The following GAB2 variants were observed in gnomAD, a reference collection of about 807,000 sequenced individuals.
The protein encoded by GAB2 is GRB2 associated binding protein 2.
Under a neutral mutation model 65.5 loss-of-function variants are expected in GAB2, and 26 were observed. The observed-to-expected ratio is 0.40, with a 90% CI of 0.29 to 0.55. The LOEUF (loss-of-function observed/expected upper bound fraction) is 0.55. Ranked by LOEUF, GAB2 falls within the 20% of genes least tolerant of loss-of-function variation. The pLI, the probability that GAB2 is intolerant of heterozygous loss-of-function variation, is 0.53. For missense variants in GAB2, 884 were observed against 875.8 expected, an observed-to-expected ratio of 1.01 and a Z score of -0.12; for synonymous variants, 321 against 329.6, an observed-to-expected ratio of 0.97 and a Z score of 0.28.
chr11:78,315,578 T>C (rs372293396), intron 1 of GAB2, among the ~76,000 whole-genome samples: 49 of 152,106 alleles, frequency 3.2e-4, no homozygotes, highest in East Asian at 1.3e-3. Flanking sequence ...GAAGAAAACA[T>C]AGAAAAAATG....
At chr11:78,415,186 GT>G (rs1485226381) in intron 1 of GAB2, among the ~76,000 whole-genome samples, 1 of 152,160 alleles carries the variant, frequency 6.6e-6, no homozygotes, top group Non-Finnish European at 1.5e-5. Context: ...AATTAAGTCA[GT>G]TTTTTAAAAA....
chr11:78,261,794 C>T (rs1036936162), intron 2 of GAB2, among the ~76,000 whole-genome samples: 6 of 152,170 alleles, frequency 3.9e-5, no homozygotes, highest in African/African-American at 7.2e-5. Context: ...AATTTATACT[C>T]GGAGGAGCAC....
intron 1 of GAB2, among the ~76,000 whole-genome samples, chr11:78,380,976 G>GAA (rs1159180206): frequency 2.0e-5 from 3 of 152,148 alleles, no homozygotes; most frequent in Non-Finnish European, 4.4e-5. Flanking sequence ...CTATGTAAGT[G>GAA]AAACCTTATC....
At chr11:78,415,241 T>C (rs1857179898) in intron 1 of GAB2, among the ~76,000 whole-genome samples, 2 of 152,346 alleles carry the variant, frequency 1.3e-5, no homozygotes, top group Admixed American at 6.5e-5. Context: ...CTTTTTCCCC[T>C]TATCACATAT....
chr11:78,268,409 T>C (rs989085546), intron 2 of GAB2, among the ~76,000 whole-genome samples: 4 of 152,134 alleles, frequency 2.6e-5, no homozygotes, highest in African/African-American at 9.7e-5. Flanking sequence ...GTAATCAAGA[T>C]CTTCAGAGGT....
intron 1 of GAB2, among the ~76,000 whole-genome samples, chr11:78,338,635 G>A (rs1173824875): frequency 6.6e-6 from 1 of 152,156 alleles, no homozygotes; most frequent in Non-Finnish European, 1.5e-5. Flanking sequence ...TCCCATTTCT[G>A]ACAGACCCAA....
intron 2 of GAB2, among the ~76,000 whole-genome samples, chr11:78,262,599 G>A (rs969632776): frequency 6.6e-6 from 1 of 152,138 alleles, no homozygotes; most frequent in Non-Finnish European, 1.5e-5. Flanking sequence ...GCTTGTAGCT[G>A]GCAGCTCTTT....
chr11:78,393,283 G>T (rs182792828), intron 1 of GAB2, among the ~76,000 whole-genome samples: 1 of 152,150 alleles, frequency 6.6e-6, no homozygotes, highest in South Asian at 2.1e-4. Context: ...AGATTCCCCC[G>T]CTCTAGTTAT....
At chr11:78,373,616 A>G (rs1452702257) in intron 1 of GAB2, among the ~76,000 whole-genome samples, 1 of 152,242 alleles carries the variant, frequency 6.6e-6, no homozygotes, top group African/African-American at 2.4e-5. Context: ...AGAGATAAAA[A>G]TAACACATTG....
intron 1 of GAB2, among the ~76,000 whole-genome samples, chr11:78,374,989 G>A (rs980989114): frequency 1.4e-4 from 22 of 152,144 alleles, no homozygotes; most frequent in Admixed American, 1.4e-3. Flanking sequence ...CAGGTACATT[G>A]GTAAAGGGAA....
In GAB2 at chr11:78,314,628, A is replaced by T. The variant is rs1591029718; in HGVS notation, c.76-33727T>A. On this transcript the variant is annotated intron_variant, in intron 1 of 9. Coordinates refer to ENST00000361507, the MANE Select transcript of GAB2 (RefSeq NM_080491.3). ...TATAACATGTTATACAGAATATTAA[A>T]GTGTCAAGTGTATATAGAAGTACCT... Among the ~76,000 whole-genome samples, 11 of 152,244 alleles carry T rather than the reference A, an allele frequency of 7.2e-5. No individual in the cohort carries two copies. The South Asian group carries it at 2.3e-3, about 32-fold the overall frequency.
chr11:78,318,050 A>G (rs966829895), intron 1 of GAB2: 1 of 152,198 alleles, frequency 6.6e-6, no homozygotes, highest in African/African-American at 2.4e-5. Flanking sequence ...CAAAAGGAAG[A>G]TAATTCCTGA....
Position 78,279,840 on chromosome 11 carries a change from T to C in GAB2, c.376+761A>G, listed in dbSNP as rs1292161156. 2.0e-5 allele frequency among the ~76,000 whole-genome samples: 3 copies of C among 152,352 alleles called. No individual in the cohort carries two copies. In the East Asian group the frequency reaches 5.8e-4, roughly 29 times the overall value. On this transcript the variant is annotated intron_variant, in intron 2 of 9. Transcript: ENST00000361507. Reference sequence around the variant, plus strand: ...GGTTGTTTCCACTTTTTGGCTATTATGAATAATACTGCTGTGAACATTCTT... The same window carrying C: ...GGTTGTTTCCACTTTTTGGCTATTACGAATAATACTGCTGTGAACATTCTT...
chr11:78,362,558 C>CAAAAA (rs1000229317), intron 1 of GAB2, among the ~76,000 whole-genome samples: 1 of 152,048 alleles, frequency 6.6e-6, no homozygotes, highest in Non-Finnish European at 1.5e-5. Context: ...CAAATCAAAA[C>CAAAAA]ATTTCCATAA....
rs552643381 is a variant in GAB2 at position 78,216,144 on chromosome 11, A to C, written c.*3128T>G. On this transcript the variant is annotated 3_prime_UTR_variant, in exon 10 of 10. Transcript: ENST00000361507. ...GATGGGACCTCAGCGCAGCTAATCCAACCTCCCATTCCACAGACAGGCAGA... is the reference window on the plus strand; with the variant it reads ...GATGGGACCTCAGCGCAGCTAATCCCACCTCCCATTCCACAGACAGGCAGA... 3 of 152,770 alleles carry C rather than the reference A, an allele frequency of 2.0e-5. No individual in the cohort carries two copies. The highest frequency in any genetic ancestry group is 4.1e-4 in the South Asian group (2 of 4,830). The allele number at this position is 152,770 out of a possible 1,614,324, so 9.5% of individuals were successfully genotyped here. A position where few individuals can be genotyped will look rare whatever the true frequency, so the allele number is the denominator to read the frequency against.
chr11:78,404,967 T>C (rs923913034), intron 1 of GAB2, among the ~76,000 whole-genome samples: 5 of 152,148 alleles, frequency 3.3e-5, no homozygotes, highest in Non-Finnish European at 5.9e-5. Flanking sequence ...AAGCACACAT[T>C]ATATGCTTGT....
intron 2 of GAB2, 147 bp from the exon 3 acceptor site, chr11:78,250,547 C>T: frequency 1.4e-6 from 1 of 709,506 alleles, no homozygotes; most frequent in Non-Finnish European, 2.4e-6. Context: ...CTGCCCCTTG[C>T]TGCCCTCCTG....
At chr11:78,384,737 G>C (rs1335535319) in intron 1 of GAB2, among the ~76,000 whole-genome samples, 1 of 152,136 alleles carries the variant, frequency 6.6e-6, no homozygotes, top group Non-Finnish European at 1.5e-5. Flanking sequence ...AAAGAATACT[G>C]GAACACATAC....
chr11:78,377,769 T>C (rs1029902591), intron 1 of GAB2, among the ~76,000 whole-genome samples: 2 of 152,194 alleles, frequency 1.3e-5, no homozygotes, highest in East Asian at 1.9e-4. Context: ...GTTTACTTAC[T>C]ACGTAGTTAA....
Sources: gnomAD v4.1 joint callset for allele counts (sites outside exome capture counted in the v4.1 genomes callset) on GRCh38, gnomAD v4.1.1 for gene constraint, MANE v1.5 for transcripts, NCBI Gene and HGNC (gene_info 2026-07-23, HGNC 2026-07-21) for gene names.